Variants in MEI4 observed in about 807,000 individuals in gnomAD.
MEI4 encodes meiotic double-stranded break formation protein 4.
A neutral mutation model predicts 31.4 loss-of-function variants in MEI4; 27 were observed. The ratio of observed to expected loss-of-function variants is 0.86; its 90% CI spans 0.63 to 1.19. MEI4 has a LOEUF of 1.19. Among genes scored for constraint, MEI4 ranks in the 50% most tolerant of loss-of-function variants. MEI4 has a pLI of 0.00. For synonymous variants in MEI4, 122 were observed against 145.4 expected, an observed-to-expected ratio of 0.84 and a Z score of 1.16; for missense variants, 329 against 398.9, an observed-to-expected ratio of 0.82 and a Z score of 1.49.
At chr6:77,666,525 A>G (rs996297782) in intron 1 of MEI4, among the ~76,000 whole-genome samples, 1 of 152,136 alleles carries the variant, frequency 6.6e-6, no homozygotes, top group African/African-American at 2.4e-5. Context: ...TCAATGAACT[A>G]ATTTTGTCTC....
chr6:77,831,329 G>A (rs1770073818), intron 4 of MEI4, among the ~76,000 whole-genome samples: 1 of 151,692 alleles, frequency 6.6e-6, no homozygotes, highest in Non-Finnish European at 1.5e-5. Flanking sequence ...AACCATTATG[G>A]AAAACAGTGT....
intron 2 of MEI4, among the ~76,000 whole-genome samples, chr6:77,704,931 T>C (rs1766299494): frequency 6.6e-6 from 1 of 152,066 alleles, no homozygotes; most frequent in Non-Finnish European, 1.5e-5. Context: ...GAATAAGTGT[T>C]TATTAAGAGC....
intron 2 of MEI4, among the ~76,000 whole-genome samples, chr6:77,756,268 T>C (rs1767914152): frequency 6.6e-6 from 1 of 152,216 alleles, no homozygotes; most frequent in Admixed American, 6.5e-5. Context: ...AATACTAATA[T>C]TGAAAATATT....
intron 3 of MEI4, among the ~76,000 whole-genome samples, chr6:77,790,309 G>A (rs895987126): frequency 1.3e-5 from 2 of 151,250 alleles, no homozygotes; most frequent in Non-Finnish European, 2.9e-5. Context: ...GTTAAATGAC[G>A]AGTTAATGGG....
intron 4 of MEI4, among the ~76,000 whole-genome samples, chr6:77,850,702 T>A (rs370753428): frequency 2.2e-3 from 339 of 152,234 alleles, no homozygotes; most frequent in African/African-American, 7.4e-3. Context: ...AACCTAGGCA[T>A]TACCATTCAG....
At chr6:77,868,743 A>G (rs1200027347) in intron 4 of MEI4, among the ~76,000 whole-genome samples, 1 of 151,832 alleles carries the variant, frequency 6.6e-6, no homozygotes, top group Admixed American at 6.6e-5. Flanking sequence ...GAAAGCTATT[A>G]AGCAACACTC....
chr6:77,741,656 A>C (rs781418557), intron 2 of MEI4, among the ~76,000 whole-genome samples: 5 of 151,924 alleles, frequency 3.3e-5, no homozygotes, highest in Non-Finnish European at 2.9e-5. Context: ...TTTAGGGTAC[A>C]TGTGCACAAT....
At position 77,732,622 on chromosome 6, in the gene MEI4, C is replaced by T. The variant is rs532366573; in HGVS notation, c.233-28508C>T. 1.1e-3 allele frequency among the ~76,000 whole-genome samples: 167 copies of T among 151,978 alleles called. 2 individuals carry two copies. The highest frequency in any genetic ancestry group is 2.7e-3 in the African/African-American group (111 of 41,404). ...TTCCTAATTGAATACCCTTTATTTC[C>T]TTCTCCTGCCTAATTGCCCTGGCCA... On this transcript the variant is annotated intron_variant, in intron 2 of 4. Coordinates refer to ENST00000684080, the MANE Select transcript of MEI4 (RefSeq NM_001322247.2).
At chr6:77,731,887 C>A (rs1767005903) in intron 2 of MEI4, among the ~76,000 whole-genome samples, 1 of 151,922 alleles carries the variant, frequency 6.6e-6, no homozygotes, top group Non-Finnish European at 1.5e-5. Flanking sequence ...AATAGGGAAT[C>A]CTTTCCCCAA....
intron 2 of MEI4, among the ~76,000 whole-genome samples, chr6:77,707,301 T>C (rs986682671): frequency 6.6e-6 from 1 of 152,176 alleles, no homozygotes; most frequent in African/African-American, 2.4e-5. Flanking sequence ...AAGTTTGAGC[T>C]TAAGAGTCAT....
intron 2 of MEI4, among the ~76,000 whole-genome samples, chr6:77,745,306 C>A (rs1246689658): frequency 6.6e-6 from 1 of 152,066 alleles, no homozygotes; most frequent in Non-Finnish European, 1.5e-5. Flanking sequence ...CAAAAAAAGG[C>A]AGGGGTTGCA....
intron 3 of MEI4, among the ~76,000 whole-genome samples, chr6:77,783,558 T>A (rs1768649403): frequency 6.6e-6 from 1 of 152,188 alleles, no homozygotes; most frequent in Non-Finnish European, 1.5e-5. Context: ...ATGTCTTAGT[T>A]TACTTCATCA....
At chr6:77,777,084 T>C (rs956620869) in intron 3 of MEI4, among the ~76,000 whole-genome samples, 3 of 152,118 alleles carry the variant, frequency 2.0e-5, no homozygotes, top group South Asian at 4.1e-4. Context: ...AGTTAGTATA[T>C]TGAGGACACA....
intron 1 of MEI4, among the ~76,000 whole-genome samples, chr6:77,689,626 A>G (rs1478851230): frequency 6.6e-6 from 1 of 152,042 alleles, no homozygotes; most frequent in Non-Finnish European, 1.5e-5. Context: ...ACGGCAGTGG[A>G]AAATTTATGA....
At chr6:77,699,877 G>C (rs1003175879) in intron 2 of MEI4, among the ~76,000 whole-genome samples, 2 of 152,030 alleles carry the variant, frequency 1.3e-5, no homozygotes, top group Non-Finnish European at 2.9e-5. Flanking sequence ...GTCAGCAGCA[G>C]TGGCTGCAGA....
chr6:77,861,714 G>A (rs1770870978), intron 4 of MEI4, among the ~76,000 whole-genome samples: 1 of 152,080 alleles, frequency 6.6e-6, no homozygotes, highest in African/African-American at 2.4e-5. Flanking sequence ...CAGAGTACTT[G>A]GATGAACTTA....
intron 3 of MEI4, among the ~76,000 whole-genome samples, chr6:77,797,523 G>T (rs573543951): frequency 4.2e-4 from 64 of 152,248 alleles, no homozygotes; most frequent in African/African-American, 1.5e-3. Context: ...GACTCAGTGT[G>T]AGTCTAAAAG....
chr6:77,755,181 G>T (rs1767882956), intron 2 of MEI4, among the ~76,000 whole-genome samples: 1 of 151,796 alleles, frequency 6.6e-6, no homozygotes, highest in Non-Finnish European at 1.5e-5. Flanking sequence ...TGAAAAAAAA[G>T]AAAAAGAGAT....
intron 3 of MEI4, among the ~76,000 whole-genome samples, chr6:77,789,502 C>T (rs1285242123): frequency 3.9e-5 from 6 of 152,292 alleles, no homozygotes; most frequent in Admixed American, 2.6e-4. Context: ...TTGCAATCTA[C>T]TCATCTGACA....
Sources: gnomAD v4.1 joint callset for allele counts (sites outside exome capture counted in the v4.1 genomes callset) on GRCh38, gnomAD v4.1.1 for gene constraint, MANE v1.5 for transcripts, NCBI Gene and HGNC (gene_info 2026-07-23, HGNC 2026-07-21) for gene names.